Variants in TOGARAM2 observed in about 807,000 individuals in gnomAD.
TOGARAM2 encodes the protein TOG array regulator of axonemal microtubules 2.
Under a neutral mutation model 93.3 loss-of-function variants are expected in TOGARAM2, and 85 were observed. That is an observed-to-expected ratio of 0.91 (90% CI 0.76 to 1.09). The LOEUF is 1.09. Among genes scored for constraint, TOGARAM2 ranks in the 50% least tolerant of loss-of-function variants. The pLI, the probability that TOGARAM2 is intolerant of heterozygous loss-of-function variation, is 0.00. For missense variants in TOGARAM2, 1,277 were observed against 1,334.5 expected (o/e 0.96, Z 0.67); for synonymous variants, 593 against 552.8 (o/e 1.07, Z -1.02).
intron 1 of TOGARAM2, among the ~76,000 whole-genome samples, chr2:28,986,840 T>C (rs1428970504): frequency 6.6e-6 from 1 of 152,270 alleles, no homozygotes; most frequent in African/African-American, 2.4e-5. Flanking sequence ...CCAATCAGCC[T>C]ATTAAATGTT....
intron 16 of TOGARAM2, among the ~76,000 whole-genome samples, chr2:29,034,375 C>A (rs1204508253): frequency 1.3e-5 from 2 of 152,234 alleles, no homozygotes. Context: ...TCCTCATGTC[C>A]TCAGGGTGAC....
intron 1 of TOGARAM2, among the ~76,000 whole-genome samples, chr2:28,973,482 C>T (rs558289434): frequency 1.5e-5 from 2 of 132,736 alleles, no homozygotes; most frequent in South Asian, 2.6e-4. Flanking sequence ...TCCCTCCCTC[C>T]CTCCTTCGTT....
At chr2:29,044,610 C>T (rs970056458) in intron 18 of TOGARAM2, among the ~76,000 whole-genome samples, 1 of 152,056 alleles carries the variant, frequency 6.6e-6, no homozygotes, top group Non-Finnish European at 1.5e-5. Context: ...CAGTGCTTCT[C>T]ACCTGGTGTC....
chr2:28,991,604 G>A (rs997767147), intron 1 of TOGARAM2, among the ~76,000 whole-genome samples: 27 of 152,222 alleles, frequency 1.8e-4, no homozygotes, highest in Non-Finnish European at 1.0e-4. Context: ...CTGTGGGAGC[G>A]GCAGCCCCAG....
intron 1 of TOGARAM2, among the ~76,000 whole-genome samples, chr2:28,964,190 A>G (rs372755588): frequency 2.6e-5 from 4 of 152,112 alleles, no homozygotes; most frequent in South Asian, 2.1e-4. Context: ...TTTTCCTTCA[A>G]TTCTGCCAGT....
rs910801554 is a variant in TOGARAM2 at position 29,017,485 on chromosome 2, C to G, written c.1195+181C>G. Among the ~76,000 whole-genome samples the G allele has an allele frequency of 1.2e-4, 19 of 152,218 alleles. 1 individual carries two copies. Among genetic ancestry groups the G allele is most frequent in the African/African-American group, 4.3e-4 (18 of 41,454 alleles). ...GCAGTGACACAATCACAGCTCACCA[C>G]AGCCTCAAACTCTTGGGCTCAAGGG... On this transcript the variant is annotated intron_variant, in intron 9 of 19. Transcript: ENST00000379558.
intron 1 of TOGARAM2, among the ~76,000 whole-genome samples, chr2:28,966,848 T>C (rs1166212009): frequency 6.6e-6 from 1 of 152,162 alleles, no homozygotes; most frequent in Non-Finnish European, 1.5e-5. Context: ...ACAGGAGAAA[T>C]GGCACCCATT....
chr2:29,032,839 C>T (rs1198183924), intron 14 of TOGARAM2, 95 bp from the exon 15 acceptor site: 2 of 990,590 alleles, frequency 2.0e-6, no homozygotes. Context: ...GTATTAAAAA[C>T]TCTCTTTAAT....
At chr2:29,029,612 C>T (rs554709575) in intron 14 of TOGARAM2, among the ~76,000 whole-genome samples, 3 of 149,938 alleles carry the variant, frequency 2.0e-5, no homozygotes, top group East Asian at 1.9e-4. Context: ...AAAAATTAGC[C>T]AGGTGTGGTG....
At chr2:29,041,831 T>G (rs1367817072) in intron 18 of TOGARAM2, among the ~76,000 whole-genome samples, 1 of 152,230 alleles carries the variant, frequency 6.6e-6, no homozygotes, top group African/African-American at 2.4e-5. Context: ...GATTCTAGCC[T>G]CTTCATTGGT....
chr2:29,009,271 G>T (rs989970454), intron 6 of TOGARAM2, among the ~76,000 whole-genome samples: 1 of 152,200 alleles, frequency 6.6e-6, no homozygotes, highest in Non-Finnish European at 1.5e-5. Flanking sequence ...GCATCCTTGC[G>T]TGACAGCCTG....
chr2:28,959,481 C>G (rs899755378), intron 1 of TOGARAM2, among the ~76,000 whole-genome samples: 1 of 152,064 alleles, frequency 6.6e-6, no homozygotes. Flanking sequence ...AGGCCGGGTG[C>G]GGTGGCTCAT....
chr2:29,009,139 G>C (rs1310680535), intron 6 of TOGARAM2, among the ~76,000 whole-genome samples: 1 of 152,198 alleles, frequency 6.6e-6, no homozygotes, highest in Admixed American at 6.5e-5. Context: ...CTGTCATGTT[G>C]GTGACCCAGG....
chr2:28,980,787 C>T (rs2148232690), upstream of TOGARAM2, among the ~76,000 whole-genome samples: 1 of 152,352 alleles, frequency 6.6e-6, no homozygotes, highest in African/African-American at 2.4e-5. Context: ...GACAAAATTA[C>T]AAGCTGTTAC....
At chr2:29,005,197 GTGCATGTGTGT>G (rs1673629329) in intron 6 of TOGARAM2, among the ~76,000 whole-genome samples, 1 of 66,146 alleles carries the variant, frequency 1.5e-5, no homozygotes, top group Non-Finnish European at 4.9e-5. Flanking sequence ...CAGTGTGTGT[GTGCATGTGTGT>G]GGGTATGTGT....
At chr2:29,027,146 C>A in intron 14 of TOGARAM2, 135 bp downstream of exon 14, 1 of 937,670 alleles carries the variant, frequency 1.1e-6, no homozygotes, top group South Asian at 1.9e-5. Flanking sequence ...ATGTCCTTTC[C>A]TTTCAGCTCT....
At chr2:28,976,879 T>C, upstream of TOGARAM2, among the ~76,000 whole-genome samples, 1 of 152,236 alleles carries the variant, frequency 6.6e-6, no homozygotes, top group East Asian at 1.9e-4. Context: ...CAGCCTGTGG[T>C]ACTGACAGGG....
chr2:29,034,785 G>A (rs1489303905), intron 16 of TOGARAM2, among the ~76,000 whole-genome samples: 1 of 152,190 alleles, frequency 6.6e-6, no homozygotes, highest in Non-Finnish European at 1.5e-5. Context: ...GCCAGCCAGG[G>A]ATCAGGATAT....
At chr2:29,000,606 G>A (rs956755775) in intron 4 of TOGARAM2, among the ~76,000 whole-genome samples, 14 of 152,110 alleles carry the variant, frequency 9.2e-5, no homozygotes, top group African/African-American at 3.4e-4. Flanking sequence ...GCAATAAGAA[G>A]TCTTGAGGTC....
Sources: allele counts gnomAD v4.1 joint callset (sites outside exome capture counted in the v4.1 genomes callset), GRCh38; gene constraint gnomAD v4.1.1; transcripts MANE v1.5; gene names NCBI Gene and HGNC (gene_info 2026-07-23, HGNC 2026-07-21).